The following THSD7B variants were observed in gnomAD, a reference collection of about 807,000 sequenced individuals.
THSD7B encodes thrombospondin type 1 domain containing 7B.
Under a neutral mutation model 213.6 loss-of-function variants are expected in THSD7B, and 138 were observed. The ratio of observed to expected loss-of-function variants is 0.65; its 90% confidence interval spans 0.56 to 0.74. The LOEUF (loss-of-function observed/expected upper bound fraction) is 0.74. Among genes scored for constraint, THSD7B ranks in the 30% least tolerant of loss-of-function variants. The pLI, the probability that THSD7B is intolerant of heterozygous loss-of-function variation, is 0.00. For synonymous variants in THSD7B, 742 were observed against 687.0 expected, an observed-to-expected ratio of 1.08 and a Z score of -1.25; for missense variants, 1,931 against 1,991.5, an observed-to-expected ratio of 0.97 and a Z score of 0.58.
At chr2:137,540,505 C>T (rs1281202453) in intron 15 of THSD7B, among the ~76,000 whole-genome samples, 2 of 151,648 alleles carry the variant, frequency 1.3e-5, no homozygotes, top group Admixed American at 6.6e-5. Context: ...CCAACCCCAA[C>T]ACCTAGCATT....
chr2:137,562,604 G>GTGTA (rs1681144378), intron 15 of THSD7B, among the ~76,000 whole-genome samples: 1 of 151,054 alleles, frequency 6.6e-6, no homozygotes, highest in Admixed American at 6.6e-5. Flanking sequence ...TTGTGTGTGT[G>GTGTA]TGTGTGTGTG....
At chr2:137,282,676 G>T (rs1360010383) in intron 12 of THSD7B, among the ~76,000 whole-genome samples, 9 of 152,164 alleles carry the variant, frequency 5.9e-5, no homozygotes, top group South Asian at 4.2e-4. Flanking sequence ...TTTCCCCATT[G>T]CTTGTTTTTG....
intron 12 of THSD7B, among the ~76,000 whole-genome samples, chr2:137,304,246 G>A (rs1683685987): frequency 6.6e-6 from 1 of 151,964 alleles, no homozygotes; most frequent in Non-Finnish European, 1.5e-5. Context: ...AAATCAGATT[G>A]CACCACTAAT....
intron 12 of THSD7B, among the ~76,000 whole-genome samples, chr2:137,335,345 G>A (rs1684614362): frequency 6.6e-6 from 1 of 152,186 alleles, no homozygotes; most frequent in African/African-American, 2.4e-5. Context: ...GCCAAGGAAG[G>A]AGGACATCTC....
Position 137,374,472 on chromosome 2 carries a change from G to A in THSD7B, c.2501-31141G>A, listed in dbSNP as rs530727948. On this transcript the variant is annotated intron_variant, in intron 12 of 27. Coordinates refer to ENST00000409968, the MANE Select transcript of THSD7B (RefSeq NM_001316349.2). ...AGTTTTAGTGCAGTTATAGAAGGAC[G>A]TGAAAGTATATTCGAGTTTCCACTG... is the stretch of plus-strand genomic sequence containing the variant. Among the ~76,000 whole-genome samples, 5 of 152,264 alleles carry A rather than the reference G, an allele frequency of 3.3e-5. No individual in the cohort carries two copies. The East Asian group carries it at 5.8e-4, about 18-fold the overall frequency.
At chr2:136,767,659 C>G (rs888916658) in intron 1 of THSD7B, among the ~76,000 whole-genome samples, 1 of 152,130 alleles carries the variant, frequency 6.6e-6, no homozygotes, top group African/African-American at 2.4e-5. Context: ...TTAAAAACAT[C>G]GGATAGTCTC....
At chr2:137,465,756 G>C (rs1203699481) in intron 15 of THSD7B, among the ~76,000 whole-genome samples, 1 of 152,042 alleles carries the variant, frequency 6.6e-6, no homozygotes, top group Non-Finnish European at 1.5e-5. Flanking sequence ...TAGCACTCTG[G>C]CTTCATCCTC....
At chr2:136,773,232 GCTACT>G (rs1681540115) in intron 1 of THSD7B, among the ~76,000 whole-genome samples, 1 of 152,012 alleles carries the variant, frequency 6.6e-6, no homozygotes, top group East Asian at 1.9e-4. Flanking sequence ...TGTGCCAGAC[GCTACT>G]CTACGTGGAT....
chr2:136,908,695 C>T (rs537575717), intron 2 of THSD7B, among the ~76,000 whole-genome samples: 1 of 152,084 alleles, frequency 6.6e-6, no homozygotes, highest in Non-Finnish European at 1.5e-5. Context: ...TGACATAATA[C>T]CTTAGGTAAC....
intron 2 of THSD7B, among the ~76,000 whole-genome samples, chr2:136,951,075 C>G (rs577805610): frequency 6.6e-6 from 1 of 152,064 alleles, no homozygotes; most frequent in African/African-American, 2.4e-5. Flanking sequence ...GGTAGCATCC[C>G]CAGAACTGGG....
intron 2 of THSD7B, among the ~76,000 whole-genome samples, chr2:136,998,261 C>CAAAAAAAAAAAAA (rs33931359): frequency 4.8e-4 from 47 of 98,288 alleles, no homozygotes; most frequent in Non-Finnish European, 6.6e-4. Context: ...ACTAAAAGGC[C>CAAAAAAAAAAAAA]AAAAAAAAAA....
intron 12 of THSD7B, among the ~76,000 whole-genome samples, chr2:137,373,790 T>C (rs1459487918): frequency 6.6e-6 from 1 of 152,220 alleles, no homozygotes; most frequent in Non-Finnish European, 1.5e-5. Context: ...ATGTCCTGAA[T>C]GGTAATGCCT....
chr2:137,418,450 A>G lies in THSD7B; in HGVS notation c.2959+6578A>G, dbSNP rs571604689. ...TTTTTAATCATTATAAAAGATTTACATATTTTCTGCATACAACTGATAATT... is the reference window on the plus strand; with the variant it reads ...TTTTTAATCATTATAAAAGATTTACGTATTTTCTGCATACAACTGATAATT... On this transcript the variant is annotated intron_variant, in intron 14 of 27. Coordinates refer to ENST00000409968, the MANE Select transcript of THSD7B (RefSeq NM_001316349.2). Among the ~76,000 whole-genome samples, 87 of 152,340 alleles carry G rather than the reference A, an allele frequency of 5.7e-4. 2 individuals carry two copies. In the South Asian group the frequency reaches 0.015, roughly 26 times the overall value.
At chr2:137,455,297 G>A (rs1438637892) in intron 15 of THSD7B, among the ~76,000 whole-genome samples, 1 of 152,142 alleles carries the variant, frequency 6.6e-6, no homozygotes, top group Non-Finnish European at 1.5e-5. Context: ...CTTATGCTGT[G>A]ATTTGTCATT....
intron 14 of THSD7B, among the ~76,000 whole-genome samples, chr2:137,449,607 CTG>C (rs989780906): frequency 6.6e-6 from 1 of 152,168 alleles, no homozygotes; most frequent in African/African-American, 2.4e-5. Flanking sequence ...CCTGAAGGCC[CTG>C]TGTTCTGCTA....
intron 2 of THSD7B, among the ~76,000 whole-genome samples, chr2:137,024,773 T>C (rs1686514562): frequency 6.6e-6 from 1 of 152,152 alleles, no homozygotes; most frequent in Non-Finnish European, 1.5e-5. Context: ...CATCAAATAA[T>C]ACCTCTCTCT....
At chr2:137,290,146 C>G (rs1463471559) in intron 12 of THSD7B, among the ~76,000 whole-genome samples, 3 of 141,874 alleles carry the variant, frequency 2.1e-5, no homozygotes, top group African/African-American at 7.8e-5. Context: ...GAGTCTCACT[C>G]TGTTGTCCAG....
chr2:137,276,933 C>G (rs1306628611), intron 12 of THSD7B, among the ~76,000 whole-genome samples: 1 of 152,028 alleles, frequency 6.6e-6, no homozygotes, highest in African/African-American at 2.4e-5. Flanking sequence ...TTTAAGATTG[C>G]TATGGGGATC....
At chr2:137,672,543 G>A (rs945276970) in intron 27 of THSD7B, among the ~76,000 whole-genome samples, 6 of 152,182 alleles carry the variant, frequency 3.9e-5, no homozygotes, top group South Asian at 2.1e-4. Flanking sequence ...ATAAAAACAC[G>A]TACCTTTTAC....
Sources: gnomAD v4.1 joint callset for allele counts (sites outside exome capture counted in the v4.1 genomes callset) on GRCh38, gnomAD v4.1.1 for gene constraint, MANE v1.5 for transcripts, NCBI Gene and HGNC (gene_info 2026-07-23, HGNC 2026-07-21) for gene names.